TGM6: variants seen among roughly 807,000 people sequenced by gnomAD.
TGM6 encodes transglutaminase 6.
In TGM6, 74 loss-of-function variants were observed where a neutral mutation model predicts 77.5. The observed-to-expected ratio is 0.96, with a 90% CI of 0.79 to 1.16. The LOEUF is 1.16. Ranked by LOEUF, TGM6 falls within the 50% of genes most tolerant of loss-of-function variation. The pLI is 0.00. For synonymous variants in TGM6, 383 were observed against 378.9 expected, an observed-to-expected ratio of 1.01 and a Z score of -0.12; for missense variants, 968 against 940.2, an observed-to-expected ratio of 1.03 and a Z score of -0.39.
intron 9 of TGM6, among the ~76,000 whole-genome samples, chr20:2,406,861 A>C (rs2084755813): frequency 7.4e-6 from 1 of 134,644 alleles, no homozygotes; most frequent in Non-Finnish European, 1.6e-5. Context: ...AAAAAAAAAA[A>C]AAAAACCATG....
intron 11 of TGM6, 29 bp downstream of exon 11, chr20:2,430,629 T>C: frequency 1.2e-6 from 2 of 1,613,484 alleles, no homozygotes; most frequent in Non-Finnish European, 1.7e-6. Context: ...TACCATGCTG[T>C]TCCTAGTGGC....
At chr20:2,425,463 T>G (rs1244558574) in intron 10 of TGM6, among the ~76,000 whole-genome samples, 1 of 151,802 alleles carries the variant, frequency 6.6e-6, no homozygotes, top group Non-Finnish European at 1.5e-5. Flanking sequence ...TTGTAAAAAA[T>G]GCAATATCTG....
At chr20:2,399,947 G>C (rs1178891805) in intron 6 of TGM6, among the ~76,000 whole-genome samples, 2 of 152,124 alleles carry the variant, frequency 1.3e-5, no homozygotes, top group Non-Finnish European at 2.9e-5. Flanking sequence ...AGCTCCCTCT[G>C]TCTCTCATTC....
intron 10 of TGM6, among the ~76,000 whole-genome samples, chr20:2,427,637 A>G (rs192114148): frequency 5.9e-5 from 9 of 152,318 alleles, no homozygotes; most frequent in Admixed American, 4.6e-4. Context: ...AGTTTAGATT[A>G]TTGGATTTAG....
At chr20:2,407,978 G>A (rs1193503405) in intron 9 of TGM6, among the ~76,000 whole-genome samples, 1 of 152,206 alleles carries the variant, frequency 6.6e-6, no homozygotes, top group Non-Finnish European at 1.5e-5. Flanking sequence ...AAGGAACAAA[G>A]AGGAGGAGTC....
chr20:2,405,524 C>A (rs555909891), intron 9 of TGM6, among the ~76,000 whole-genome samples: 126 of 152,262 alleles, frequency 8.3e-4, no homozygotes, highest in African/African-American at 2.9e-3. Context: ...AGAGCAGATG[C>A]CTTTGTCTTA....
chr20:2,418,549 G>T (rs2084833935), intron 10 of TGM6, among the ~76,000 whole-genome samples: 1 of 152,200 alleles, frequency 6.6e-6, no homozygotes, highest in Non-Finnish European at 1.5e-5. Context: ...AAGGGGCAAA[G>T]CCAGGGTTCA....
Position 2,431,019 on chromosome 20 carries a change from C to T in TGM6, c.1959C>T (p.Leu653=). 1 of 1,613,932 alleles carries T rather than the reference C, an allele frequency of 6.2e-7. No homozygotes were observed. The highest frequency in any genetic ancestry group is 1.1e-5 in the South Asian group (1 of 91,070). The change falls in exon 12 of 13, where the codon CTC becomes CTT. Residue 653 remains leucine (L), a synonymous_variant. Coordinates refer to ENST00000202625, the MANE Select transcript of TGM6 (RefSeq NM_198994.3). The part of the protein sequence containing the change: ...VEGSGLLQEQ[L]SIDVPTLEPQ... ...GCAGCGGCCTTCTCCAGGAACAGCT[C>T]AGCATCGAGTAAGTGCCAGCCTGGG...
At chr20:2,381,075 G>C in intron 1 of TGM6, 100 bp downstream of exon 1, 1 of 1,504,110 alleles carries the variant, frequency 6.6e-7, no homozygotes, top group Admixed American at 1.9e-5. Context: ...CGATTGTTAG[G>C]ATTTTACAGC....
intron 1 of TGM6, among the ~76,000 whole-genome samples, chr20:2,386,781 T>A (rs2084599250): frequency 6.6e-6 from 1 of 152,126 alleles, no homozygotes; most frequent in Admixed American, 6.5e-5. Context: ...CAGAGGGTGC[T>A]GGGAGCTGCT....
At chr20:2,429,718 G>A (rs555748799) in intron 10 of TGM6, among the ~76,000 whole-genome samples, 17 of 151,860 alleles carry the variant, frequency 1.1e-4, no homozygotes, top group Middle Eastern at 3.4e-3. Context: ...GCAGTGAGCC[G>A]AGATCATGCC....
intron 10 of TGM6, among the ~76,000 whole-genome samples, chr20:2,420,326 T>G (rs1253323786): frequency 6.6e-6 from 1 of 151,958 alleles, no homozygotes; most frequent in African/African-American, 2.4e-5. Flanking sequence ...AATTATTAGG[T>G]TTTTAAGTAG....
At chr20:2,414,554 C>T (rs973902071) in intron 9 of TGM6, among the ~76,000 whole-genome samples, 1 of 152,112 alleles carries the variant, frequency 6.6e-6, no homozygotes, top group African/African-American at 2.4e-5. Flanking sequence ...CAACTGCACT[C>T]CCAGCTACAT....
intron 9 of TGM6, among the ~76,000 whole-genome samples, chr20:2,410,668 C>G (rs2084779437): frequency 6.6e-6 from 1 of 152,012 alleles, no homozygotes; most frequent in Non-Finnish European, 1.5e-5. Flanking sequence ...ATGCTAACTC[C>G]AGGTAGCTAC....
chr20:2,415,327 A>C (rs923600531), intron 9 of TGM6, among the ~76,000 whole-genome samples: 4 of 152,156 alleles, frequency 2.6e-5, no homozygotes, highest in African/African-American at 9.7e-5. Context: ...CACATGCCAC[A>C]GGTTTCAAAT....
intron 5 of TGM6, 137 bp downstream of exon 5, chr20:2,398,183 A>G: frequency 1.4e-6 from 2 of 1,433,908 alleles, no homozygotes; most frequent in Non-Finnish European, 1.9e-6. Flanking sequence ...CCCAAAACTC[A>G]GTGGTGTAAA....
intron 10 of TGM6, among the ~76,000 whole-genome samples, chr20:2,429,462 G>A (rs2084909059): frequency 7.2e-6 from 1 of 138,908 alleles, no homozygotes. Context: ...ATATATAGTA[G>A]TCAGAAAAAA....
chr20:2,426,786 C>A (rs915201506), intron 10 of TGM6, among the ~76,000 whole-genome samples: 1 of 151,974 alleles, frequency 6.6e-6, no homozygotes, highest in African/African-American at 2.4e-5. Context: ...GTTATTTTTT[C>A]CTGTTGATTT....
At chr20:2,403,859 C>G (rs558070858) in intron 9 of TGM6, 36 bp downstream of exon 9, 12 of 1,613,496 alleles carry the variant, frequency 7.4e-6, no homozygotes, top group East Asian at 6.7e-5. Context: ...TACCTTCCCC[C>G]GGATGGCCCA....
Sources: allele counts gnomAD v4.1 joint callset (sites outside exome capture counted in the v4.1 genomes callset), GRCh38; gene constraint gnomAD v4.1.1; transcripts MANE v1.5; gene names NCBI Gene and HGNC (gene_info 2026-07-23, HGNC 2026-07-21).